The following MRPS14 variants were observed in gnomAD, a reference collection of about 807,000 sequenced individuals.
MRPS14 encodes the protein small ribosomal subunit protein uS14m.
MRPS14 carries 14 observed loss-of-function variants against 16.4 expected under a neutral mutation model. The ratio of observed to expected loss-of-function variants is 0.85; its 90% CI spans 0.56 to 1.33. The LOEUF is 1.33. MRPS14 is among the 40% of genes most tolerant of loss of function. The pLI, the probability that MRPS14 is intolerant of heterozygous loss-of-function variation, is 0.00. For missense variants in MRPS14, 162 were observed against 176.8 expected, an observed-to-expected ratio of 0.92 and a Z score of 0.48; for synonymous variants, 54 against 61.9, an observed-to-expected ratio of 0.87 and a Z score of 0.60.
chr1:175,021,393 C>T (rs1672975532), intron 1 of MRPS14, among the ~76,000 whole-genome samples: 1 of 152,216 alleles, frequency 6.6e-6, no homozygotes, highest in Admixed American at 6.5e-5. Flanking sequence ...CCTTCAATGA[C>T]TTTTGTCCTC....
chr1:175,020,954 G>A (rs1672969701), intron 1 of MRPS14, among the ~76,000 whole-genome samples: 1 of 151,852 alleles, frequency 6.6e-6, no homozygotes, highest in Non-Finnish European at 1.5e-5. Flanking sequence ...CCTTTCCACT[G>A]GGCCCTCTCA....
chr1:175,014,429 C>A lies in MRPS14; in HGVS notation c.*240G>T. ...ACATTCACAGAAAATATTTATTATG[C>A]TACTCTTTGTACTATGTATGGGAAC... On this transcript the variant is annotated 3_prime_UTR_variant, in exon 3 of 3. Coordinates refer to ENST00000476371, the MANE Select transcript of MRPS14 (RefSeq NM_022100.3). 2.4e-6 allele frequency: 1 copy of A among 423,262 alleles called. No individual in the cohort carries two copies. The highest frequency in any genetic ancestry group is 4.1e-6 in the Non-Finnish European group (1 of 241,382). 26.2% of individuals were successfully genotyped at this position (423,262 alleles called of 1,614,324 possible).
At chr1:175,020,591 C>T (rs1409979575) in intron 1 of MRPS14, among the ~76,000 whole-genome samples, 1 of 152,090 alleles carries the variant, frequency 6.6e-6, no homozygotes, top group Non-Finnish European at 1.5e-5. Context: ...TCACCGCAAC[C>T]TTTGCCTCCC....
chr1:175,014,514 T>C lies in MRPS14; in HGVS notation c.*155A>G. On this transcript the variant is annotated 3_prime_UTR_variant, in exon 3 of 3. Transcript: ENST00000476371. The stretch of plus-strand genomic sequence containing the variant: ...CACTGACATGAAACACCCAAATGTC[T>C]TCATTTTAAAAGTAGTTTAGAGATA... The C allele has an allele frequency of 1.6e-6, 1 of 638,930 alleles. No individual in the cohort carries two copies. Among genetic ancestry groups the C allele is most frequent in the South Asian group, 2.9e-5 (1 of 34,416 alleles). 39.6% of individuals were successfully genotyped at this position (638,930 alleles called of 1,614,324 possible).
intron 1 of MRPS14, among the ~76,000 whole-genome samples, chr1:175,021,931 T>A (rs1672985395): frequency 6.6e-6 from 1 of 152,206 alleles, no homozygotes; most frequent in Non-Finnish European, 1.5e-5. Context: ...ATGTTCTACA[T>A]TCCCTCCTGT....
At chr1:175,018,317 G>A (rs757728233) in intron 2 of MRPS14, 101 bp downstream of exon 2, 1 of 1,164,830 alleles carries the variant, frequency 8.6e-7, no homozygotes, top group Non-Finnish European at 1.2e-6. Context: ...TTATTCTCCA[G>A]AAATTATATT....
intron 2 of MRPS14, among the ~76,000 whole-genome samples, chr1:175,015,538 CAGCT>C (rs550048240): frequency 2.0e-4 from 30 of 152,016 alleles, no homozygotes; most frequent in South Asian, 8.3e-4. Flanking sequence ...AAGATTCTGA[CAGCT>C]AGAGAAGTAA....
At chr1:175,018,598 C>G in intron 1 of MRPS14, 22 bp from the exon 2 acceptor site, 7 of 1,569,650 alleles carry the variant, frequency 4.5e-6, no homozygotes, top group Non-Finnish European at 6.0e-6. Flanking sequence ...AGACAAGGGA[C>G]AAGTGAAGGA....
intron 1 of MRPS14, among the ~76,000 whole-genome samples, chr1:175,020,865 T>C (rs562967649): frequency 1.3e-5 from 2 of 152,364 alleles, no homozygotes; most frequent in East Asian, 3.9e-4. Context: ...TGGTGCTTTA[T>C]AGATTAAGGC....
rs565369104 is a variant in MRPS14, at chr1:175,014,943, T to C, written c.205-92A>G. 1.4e-5 allele frequency: 19 copies of C among 1,318,274 alleles called. No individual in the cohort carries two copies. The East Asian group carries it at 3.1e-4, about 22-fold the overall frequency. 81.7% of individuals were successfully genotyped at this position (1,318,274 alleles called of 1,614,324 possible). On this transcript the variant is annotated intron_variant, in intron 2 of 2. Transcript: ENST00000476371. ...CTTGCAGGTAATTTTCTTTTCTTTT[T>C]TTTTTTTTTTTGAGACAGAGTCTCG... is the stretch of plus-strand genomic sequence containing the variant.
intron 2 of MRPS14, among the ~76,000 whole-genome samples, chr1:175,015,911 A>AT (rs1356198822): frequency 6.6e-6 from 1 of 152,162 alleles, no homozygotes; most frequent in Non-Finnish European, 1.5e-5. Context: ...ATAAAACAAC[A>AT]TGATTGCCAG....
At chr1:175,016,673 T>A (rs1672885787) in intron 2 of MRPS14, among the ~76,000 whole-genome samples, 1 of 152,120 alleles carries the variant, frequency 6.6e-6, no homozygotes, top group African/African-American at 2.4e-5. Flanking sequence ...AGTTGACAAA[T>A]AAAAATTGCA....
At position 175,018,395 on chromosome 1, in the gene MRPS14, G is replaced by C. The variant is rs138711375; in HGVS notation, c.204+23C>G. Reference sequence around the variant, plus strand: ...TGAGTTAATGATCTTGTGGTACAAAGGGACTCATCTTAATTAGCTAACCTG... The same window carrying C: ...TGAGTTAATGATCTTGTGGTACAAACGGACTCATCTTAATTAGCTAACCTG... On this transcript the variant is annotated intron_variant, in intron 2 of 2. Coordinates refer to ENST00000476371, the MANE Select transcript of MRPS14 (RefSeq NM_022100.3). 14 of 1,571,526 alleles carry C rather than the reference G, an allele frequency of 8.9e-6. No homozygotes were observed. The African/African-American group carries it at 1.8e-4, about 20-fold the overall frequency.
chr1:175,014,238 A>T lies in MRPS14; in HGVS notation c.*431T>A, dbSNP rs1672838883. 4.0e-6 allele frequency: 1 copy of T among 247,726 alleles called. No homozygotes were observed. The highest frequency in any genetic ancestry group is 1.7e-4 in the South Asian group (1 of 5,738). The allele number at this position is 247,726 out of a possible 1,614,324, so 15.3% of individuals were successfully genotyped here. A position where few individuals can be genotyped will look rare whatever the true frequency, so the allele number is the denominator to read the frequency against. Reference sequence around the variant, plus strand: ...TTATCTAACAATAATAGTTAAGGGGAGCTCTGCAGGTCAGCAAAGCTAGTC... The same window carrying T: ...TTATCTAACAATAATAGTTAAGGGGTGCTCTGCAGGTCAGCAAAGCTAGTC... On this transcript the variant is annotated 3_prime_UTR_variant, in exon 3 of 3. Coordinates refer to ENST00000476371, the MANE Select transcript of MRPS14 (RefSeq NM_022100.3).
chr1:175,023,201 G>A, intron 1 of MRPS14, 163 bp downstream of exon 1: 1 of 1,508,418 alleles, frequency 6.6e-7, no homozygotes, highest in South Asian at 1.3e-5. Context: ...GACATCTGCA[G>A]CTCGGACCTC....
intron 2 of MRPS14, among the ~76,000 whole-genome samples, chr1:175,016,543 A>G (rs1433159909): frequency 6.6e-6 from 1 of 152,206 alleles, no homozygotes; most frequent in African/African-American, 2.4e-5. Flanking sequence ...GAGAACCATG[A>G]TCAGTTTACA....
chr1:175,016,599 ACATGTCTTCTGG>A lies in MRPS14; in HGVS notation c.205-1760_205-1749del, dbSNP rs1184474953. On this transcript the variant is annotated intron_variant, in intron 2 of 2. Transcript: ENST00000476371. ...GTTATTGCTGCTAGTCATACCAGAG[ACATGTCTTCTGG>A]GTATCTTCATAAAGGTACTCAAACA... Among the ~76,000 whole-genome samples, 6 of 152,314 alleles carry A rather than the reference ACATGTCTTCTGG, an allele frequency of 3.9e-5. No individual in the cohort carries two copies. The East Asian group carries it at 9.6e-4, about 24-fold the overall frequency.
intron 2 of MRPS14, 83 bp downstream of exon 2, chr1:175,018,335 A>T: frequency 1.6e-6 from 2 of 1,256,146 alleles, no homozygotes; most frequent in East Asian, 4.9e-5. Context: ...ATTGATACCA[A>T]GTCACAACAA....
intron 2 of MRPS14, among the ~76,000 whole-genome samples, chr1:175,017,482 T>C (rs1382521574): frequency 6.6e-6 from 1 of 152,182 alleles, no homozygotes; most frequent in Non-Finnish European, 1.5e-5. Context: ...GAAACCATAG[T>C]AATAAATAGG....
Sources: allele counts gnomAD v4.1 joint callset (sites outside exome capture counted in the v4.1 genomes callset), GRCh38; gene constraint gnomAD v4.1.1; transcripts MANE v1.5; gene names NCBI Gene and HGNC (gene_info 2026-07-23, HGNC 2026-07-21).